Variants in AOPEP observed in about 807,000 individuals in gnomAD.
The protein encoded by AOPEP is aminopeptidase O.
Under a neutral mutation model 98.1 loss-of-function variants are expected in AOPEP, and 77 were observed. The ratio of observed to expected loss-of-function variants is 0.78; its 90% confidence interval spans 0.65 to 0.95. The LOEUF (loss-of-function observed/expected upper bound fraction) is 0.95. Ranked by LOEUF, AOPEP falls within the 40% of genes least tolerant of loss-of-function variation. The pLI, the probability that AOPEP is intolerant of heterozygous loss-of-function variation, is 0.00. For missense variants in AOPEP, 1,024 were observed against 1,024.7 expected (o/e 1.00, Z 0.01); for synonymous variants, 346 against 365.3 (o/e 0.95, Z 0.60).
At chr9:95,101,567 T>C in the AOPEP span, 112 of 1,010,708 alleles carry the variant, frequency 1.1e-4, no homozygotes, top group African/African-American at 1.5e-3. Context: ...TAGCAGATTG[T>C]CCCAAGATGT....
At chr9:94,870,088 A>G (rs773584838) in intron 5 of AOPEP, among the ~76,000 whole-genome samples, 12 of 148,226 alleles carry the variant, frequency 8.1e-5, no homozygotes, top group South Asian at 2.1e-4. Context: ...TCCTGGGTTC[A>G]AGCGATTCTC....
chr9:94,813,055 G>A (rs1007217209), intron 5 of AOPEP, among the ~76,000 whole-genome samples: 2 of 152,170 alleles, frequency 1.3e-5, no homozygotes, highest in Non-Finnish European at 2.9e-5. Context: ...TGTACAAAGT[G>A]GTTTATTAGG....
At chr9:94,933,111 T>C in intron 7 of AOPEP, 3 of 985,762 alleles carry the variant, frequency 3.0e-6, no homozygotes, top group Non-Finnish European at 3.6e-6. Flanking sequence ...CTGATTTCAG[T>C]GTTCCTTTCT....
At chr9:94,741,793 G>A (rs1833193919) in intron 1 of AOPEP, among the ~76,000 whole-genome samples, 1 of 152,112 alleles carries the variant, frequency 6.6e-6, no homozygotes, top group South Asian at 2.1e-4. Flanking sequence ...GCTGAACTGG[G>A]GACTCTGCTC....
intron 5 of AOPEP, among the ~76,000 whole-genome samples, chr9:94,880,113 A>G (rs1382045987): frequency 6.6e-6 from 1 of 152,208 alleles, no homozygotes. Context: ...ATATTCTCAC[A>G]GTGTCAGCAC....
chr9:94,963,726 GA>G (rs1158025078), intron 9 of AOPEP, among the ~76,000 whole-genome samples: 1 of 152,094 alleles, frequency 6.6e-6, no homozygotes, highest in Admixed American at 6.5e-5. Flanking sequence ...AATCAGCTAT[GA>G]AAAAAGTCTT....
intron 11 of AOPEP, among the ~76,000 whole-genome samples, chr9:94,991,249 T>C (rs913608118): frequency 6.6e-6 from 1 of 152,244 alleles, no homozygotes; most frequent in East Asian, 1.9e-4. Flanking sequence ...CCTTCTCTTT[T>C]GTGGAAGCCA....
intron 11 of AOPEP, among the ~76,000 whole-genome samples, chr9:94,993,685 T>C (rs2061037975): frequency 6.6e-6 from 1 of 152,208 alleles, no homozygotes; most frequent in African/African-American, 2.4e-5. Flanking sequence ...CTGAGAGACG[T>C]AGATCAGATG....
the AOPEP span, among the ~76,000 whole-genome samples, chr9:95,146,252 C>G: frequency 5.9e-5 from 9 of 151,738 alleles, 1 homozygote; most frequent in Admixed American, 5.9e-4. Context: ...TTTGGGAGGC[C>G]AAGACAGGCA....
chr9:95,124,202 T>C, the AOPEP span, among the ~76,000 whole-genome samples: 3 of 151,454 alleles, frequency 2.0e-5, no homozygotes, highest in African/African-American at 4.9e-5. Flanking sequence ...GAGCCAAGCA[T>C]TGTAGTTCTC....
chr9:94,991,415 T>A (rs1162605793), intron 11 of AOPEP, among the ~76,000 whole-genome samples: 1 of 152,222 alleles, frequency 6.6e-6, no homozygotes, highest in Non-Finnish European at 1.5e-5. Context: ...TAGAGTGCAG[T>A]GCGTCTTCTT....
At chr9:94,796,224 C>A (rs376388632) in intron 4 of AOPEP, among the ~76,000 whole-genome samples, 1 of 152,158 alleles carries the variant, frequency 6.6e-6, no homozygotes, top group Non-Finnish European at 1.5e-5. Context: ...AATGGGGTTC[C>A]TCCCATGCCC....
the AOPEP span, among the ~76,000 whole-genome samples, chr9:95,148,190 C>T: frequency 6.6e-6 from 1 of 152,200 alleles, no homozygotes; most frequent in East Asian, 1.9e-4. Context: ...TAAACTGTTG[C>T]CCTCAAGGAT....
chr9:95,120,581 T>G, the AOPEP span, among the ~76,000 whole-genome samples: 1 of 151,842 alleles, frequency 6.6e-6, no homozygotes, highest in Non-Finnish European at 1.5e-5. Context: ...GCCCAGCTAA[T>G]TTTTTATTTA....
At chr9:95,015,957 C>G (rs1041078222) in intron 13 of AOPEP, among the ~76,000 whole-genome samples, 4 of 152,128 alleles carry the variant, frequency 2.6e-5, no homozygotes, top group Admixed American at 2.0e-4. Context: ...CTGCCTTGGC[C>G]TCCCAAAGTG....
intron 7 of AOPEP, among the ~76,000 whole-genome samples, chr9:94,943,460 G>C (rs1024578802): frequency 6.6e-6 from 1 of 151,356 alleles, no homozygotes; most frequent in African/African-American, 2.4e-5. Context: ...CAGGTGTGGT[G>C]ACATGCACCT....
chr9:94,806,864 G>A (rs1373176919), intron 5 of AOPEP, among the ~76,000 whole-genome samples: 6 of 152,092 alleles, frequency 3.9e-5, no homozygotes, highest in African/African-American at 1.4e-4. Flanking sequence ...TTACAGAGCG[G>A]GTATTAAGAG....
the AOPEP span, chr9:95,099,206 T>A: frequency 4.6e-6 from 1 of 217,504 alleles, no homozygotes. Context: ...TTTTTGGCTC[T>A]CTCTGAGGGT....
rs2070757202 is a variant in AOPEP, at chr9:95,086,855, C to CA, written c.*182dup. On this transcript the variant is annotated 3_prime_UTR_variant, in exon 17 of 17. Coordinates refer to ENST00000375315, the MANE Select transcript of AOPEP (RefSeq NM_001193329.3). ...GAGGCTGGTCCCAGCCAGGCACACACAAAAGGCAGATTCTCGTAAACGCAG... is the reference window on the plus strand; with the variant it reads ...GAGGCTGGTCCCAGCCAGGCACACACAAAAAGGCAGATTCTCGTAAACGCAG... The CA allele has an allele frequency of 1.0e-6, 1 of 987,878 alleles. No individual in the cohort carries two copies. The highest frequency in any genetic ancestry group is 4.7e-5 in the South Asian group (1 of 21,374). 61.2% of individuals were successfully genotyped at this position (987,878 alleles called of 1,614,324 possible). A position where few individuals can be genotyped will look rare whatever the true frequency, so the allele number is the denominator to read the frequency against.
Sources: gnomAD v4.1 joint callset for allele counts (sites outside exome capture counted in the v4.1 genomes callset) on GRCh38, gnomAD v4.1.1 for gene constraint, MANE v1.5 for transcripts, NCBI Gene and HGNC (gene_info 2026-07-23, HGNC 2026-07-21) for gene names.